The following TMCO5A variants were observed in gnomAD, a reference collection of about 807,000 sequenced individuals.
TMCO5A encodes the protein transmembrane and coiled-coil domain-containing protein 5A.
Under a neutral mutation model 42.3 loss-of-function variants are expected in TMCO5A, and 34 were observed. That is an observed-to-expected ratio of 0.80 (90% CI 0.61 to 1.07). The LOEUF is 1.07. TMCO5A is among the 50% of genes least tolerant of loss of function. The pLI is 0.00. For missense variants in TMCO5A, 357 were observed against 327.9 expected (o/e 1.09, Z -0.69); for synonymous variants, 131 against 115.6 (o/e 1.13, Z -0.86).
At chr15:37,996,689 C>A in the TMCO5A span, among the ~76,000 whole-genome samples, 1 of 152,078 alleles carries the variant, frequency 6.6e-6, no homozygotes, top group East Asian at 1.9e-4. Flanking sequence ...AAGGGAGAAC[C>A]AACTGAAGCT....
the TMCO5A span, among the ~76,000 whole-genome samples, chr15:38,018,365 G>A: frequency 2.6e-4 from 40 of 152,158 alleles, no homozygotes; most frequent in Non-Finnish European, 5.3e-4. Context: ...TCCTCAGAGA[G>A]AGTTAAGTGG....
At chr15:37,977,718 T>C in the TMCO5A span, among the ~76,000 whole-genome samples, 1 of 152,244 alleles carries the variant, frequency 6.6e-6, no homozygotes, top group East Asian at 1.9e-4. Context: ...TCAGCCTTTA[T>C]GTTGCCTGCC....
chr15:38,039,355 A>G, the TMCO5A span, among the ~76,000 whole-genome samples: 1 of 152,240 alleles, frequency 6.6e-6, no homozygotes, highest in Non-Finnish European at 1.5e-5. Context: ...AGCTAAGTAA[A>G]TTATAACTAC....
At chr15:37,942,156 G>A in intron 8 of TMCO5A, 35 bp from the exon 9 acceptor site, 2 of 1,599,116 alleles carry the variant, frequency 1.3e-6, no homozygotes, top group Non-Finnish European at 1.7e-6. Flanking sequence ...AACCTTCTAA[G>A]TAGTAACTGT....
chr15:37,960,093 T>G (rs1044723676), intron 11 of TMCO5A, among the ~76,000 whole-genome samples: 1 of 152,010 alleles, frequency 6.6e-6, no homozygotes, highest in Non-Finnish European at 1.5e-5. Flanking sequence ...TGTGAGATTC[T>G]GGTGCACCCA....
In TMCO5A at chr15:37,941,749, G is replaced by C; in HGVS notation, c.504+19G>C. 1.2e-6 allele frequency: 2 copies of C among 1,600,076 alleles called. No homozygotes were observed. The highest frequency in any genetic ancestry group is 8.6e-7 in the Non-Finnish European group (1 of 1,167,904). On this transcript the variant is annotated intron_variant, in intron 8 of 11. Coordinates refer to ENST00000319669, the MANE Select transcript of TMCO5A (RefSeq NM_152453.4). ...CATAAAGGTAGAGCTTCTTGGTAAA[G>C]GGATAGCAAAGGGTTTATTAAGGTA...
chr15:37,936,927 G>A lies in TMCO5A; in HGVS notation c.221G>A (p.Arg74Lys), dbSNP rs769646187. 1.2e-6 allele frequency: 2 copies of A among 1,612,698 alleles called. No homozygotes were observed. Among genetic ancestry groups the A allele is most frequent in the African/African-American group, 2.7e-5 (2 of 74,968 alleles). ...WEKENRTTME[R>K]ERALQELEEE... ...AAGGAGAACCGCACCACGATGGAAAGGGAAAGAGCCTTGCAGGAGCTGGAG... is the reference window on the plus strand; with the variant it reads ...AAGGAGAACCGCACCACGATGGAAAAGGAAAGAGCCTTGCAGGAGCTGGAG... Residue 74 changes from arginine to lysine, a missense_variant, in exon 4 of 12, where the codon AGG becomes AAG. Coordinates refer to ENST00000319669, the MANE Select transcript of TMCO5A (RefSeq NM_152453.4).
the TMCO5A span, among the ~76,000 whole-genome samples, chr15:38,011,970 A>G: frequency 2.8e-4 from 42 of 152,186 alleles, no homozygotes; most frequent in African/African-American, 9.4e-4. Flanking sequence ...TGAAAATACA[A>G]AAAAGTAGCC....
At position 37,941,719 on chromosome 15, in the gene TMCO5A, C is replaced by T. The variant is rs777797087; in HGVS notation, c.493C>T (p.Leu165Phe). Residue 165 changes from leucine (L) to phenylalanine (F), a missense_variant, in exon 8 of 12, where the codon CTC becomes TTC. Transcript: ENST00000319669. ...FVTQLCEDQA[L>F]YIKKYQETLK... ...GACCCAGCTCTGTGAAGATCAAGCCCTCTACATAAAGGTAGAGCTTCTTGG... is the reference window on the plus strand; with the variant it reads ...GACCCAGCTCTGTGAAGATCAAGCCTTCTACATAAAGGTAGAGCTTCTTGG... 3.1e-6 allele frequency: 5 copies of T among 1,611,352 alleles called. No individual in the cohort carries two copies. The highest frequency in any genetic ancestry group is 4.2e-6 in the Non-Finnish European group (5 of 1,178,014).
chr15:38,039,256 T>C, the TMCO5A span, among the ~76,000 whole-genome samples: 1 of 152,200 alleles, frequency 6.6e-6, no homozygotes, highest in Non-Finnish European at 1.5e-5. Context: ...AGAAGTGGTG[T>C]TCACCAGGCT....
At chr15:38,038,152 A>C in the TMCO5A span, among the ~76,000 whole-genome samples, 70 of 152,346 alleles carry the variant, frequency 4.6e-4, no homozygotes, top group African/African-American at 1.4e-3. Flanking sequence ...ATATAGAAAA[A>C]AAGTGATGAG....
chr15:38,036,205 T>C, the TMCO5A span, among the ~76,000 whole-genome samples: 54 of 152,350 alleles, frequency 3.5e-4, no homozygotes, highest in African/African-American at 1.1e-3. Flanking sequence ...TACCCAGGTC[T>C]GCTAGTGGAG....
At chr15:37,989,474 C>T in the TMCO5A span, among the ~76,000 whole-genome samples, 1 of 151,920 alleles carries the variant, frequency 6.6e-6, no homozygotes, top group Non-Finnish European at 1.5e-5. Flanking sequence ...TTGCTGCATA[C>T]AGTAAGTTTT....
At chr15:38,036,506 A>T in the TMCO5A span, among the ~76,000 whole-genome samples, 6 of 149,796 alleles carry the variant, frequency 4.0e-5, no homozygotes, top group East Asian at 1.9e-4. Flanking sequence ...TCACACACAC[A>T]CACACACACA....
exon 12 of TMCO5A, chr15:37,967,235 G>A (rs1248136460): frequency 6.6e-6 from 1 of 152,414 alleles, no homozygotes; most frequent in Non-Finnish European, 1.5e-5. Flanking sequence ...ATTAATTGCT[G>A]AAACATTCAC....
At chr15:38,008,130 C>A in the TMCO5A span, among the ~76,000 whole-genome samples, 70,157 of 151,334 alleles carry the variant, frequency 0.46, 16,653 homozygotes, top group African/African-American at 0.55. Flanking sequence ...CTCCTGACCT[C>A]GTGATCTGCC....
At chr15:37,968,592 T>TA (rs1440753598), downstream of TMCO5A, among the ~76,000 whole-genome samples, 291 of 151,728 alleles carry the variant, frequency 1.9e-3, 2 homozygotes, top group African/African-American at 6.5e-3. Context: ...CTTTTTTTTT[T>TA]TTTTTTTTTA....
chr15:38,022,213 A>T, the TMCO5A span, among the ~76,000 whole-genome samples: 1 of 152,204 alleles, frequency 6.6e-6, no homozygotes, highest in Non-Finnish European at 1.5e-5. Context: ...AAAAACCTGC[A>T]CACGAATTTA....
chr15:37,947,320 T>C (rs1462532507), intron 10 of TMCO5A, among the ~76,000 whole-genome samples: 1 of 152,020 alleles, frequency 6.6e-6, no homozygotes, highest in East Asian at 1.9e-4. Flanking sequence ...GAGCAGAAGA[T>C]AGAATGGTAT....
Sources: gnomAD v4.1 joint callset for allele counts (sites outside exome capture counted in the v4.1 genomes callset) on GRCh38, gnomAD v4.1.1 for gene constraint, MANE v1.5 for transcripts, NCBI Gene and HGNC (gene_info 2026-07-23, HGNC 2026-07-21) for gene names.